CHRDL2: variants seen among roughly 807,000 people sequenced by gnomAD.
CHRDL2 encodes the protein chordin-like protein 2.
A neutral mutation model predicts 54.3 loss-of-function variants in CHRDL2; 41 were observed. The ratio of observed to expected loss-of-function variants is 0.76; its 90% CI spans 0.59 to 0.98. The LOEUF (loss-of-function observed/expected upper bound fraction) is 0.98. CHRDL2 is among the 50% of genes least tolerant of loss of function. The pLI is 0.00. For synonymous variants in CHRDL2, 220 were observed against 224.3 expected, an observed-to-expected ratio of 0.98 and a Z score of 0.17; for missense variants, 518 against 562.4, an observed-to-expected ratio of 0.92 and a Z score of 0.80.
chr11:74,724,050 C>G (rs1244361304), intron 1 of CHRDL2, among the ~76,000 whole-genome samples: 3 of 152,188 alleles, frequency 2.0e-5, no homozygotes, highest in Non-Finnish European at 4.4e-5. Flanking sequence ...TGAAGGAGCT[C>G]ACAGCCTAGT....
At chr11:74,714,482 TC>T (rs771279736) in intron 2 of CHRDL2, among the ~76,000 whole-genome samples, 4 of 152,214 alleles carry the variant, frequency 2.6e-5, no homozygotes, top group Non-Finnish European at 5.9e-5. Context: ...GGACCTGAGT[TC>T]CCTGATAGCA....
At chr11:74,697,538 C>A (rs1421534901) in intron 9 of CHRDL2, 8 of 568,568 alleles carry the variant, frequency 1.4e-5, no homozygotes, top group Non-Finnish European at 2.6e-5. Flanking sequence ...AGAGTCCTAA[C>A]CCCTTTCACT....
At chr11:74,701,914 G>GTT (rs2033825473) in intron 9 of CHRDL2, among the ~76,000 whole-genome samples, 2 of 151,996 alleles carry the variant, frequency 1.3e-5, no homozygotes, top group African/African-American at 4.8e-5. Context: ...GAGGACTTAT[G>GTT]TTTTACAAGA....
At chr11:74,725,237 C>A (rs906547937) in intron 1 of CHRDL2, among the ~76,000 whole-genome samples, 1 of 152,168 alleles carries the variant, frequency 6.6e-6, no homozygotes, top group Non-Finnish European at 1.5e-5. Flanking sequence ...GTGATCCACC[C>A]GCCAGGGCCT....
intron 1 of CHRDL2, among the ~76,000 whole-genome samples, chr11:74,721,992 T>C (rs571838433): frequency 6.0e-4 from 91 of 152,316 alleles, no homozygotes; most frequent in African/African-American, 2.0e-3. Context: ...GGTTCTAAGA[T>C]TCGATCATTC....
chr11:74,703,469 T>C lies in CHRDL2; in HGVS notation c.782A>G (p.His261Arg). ...ACVHGGKTYS[H>R]GEVWHPAFRA... ...GAAGGCCGGGTGCCACACCTCCCCGTGGGAGTACGTCTTCCCGCCATGCAC... is the reference window on the plus strand; with the variant it reads ...GAAGGCCGGGTGCCACACCTCCCCGCGGGAGTACGTCTTCCCGCCATGCAC... Residue 261 changes from histidine (H) to arginine (R), a missense_variant, in exon 8 of 11, where the codon CAC (histidine) becomes CGC (arginine). Physicochemically the swap from His to Arg is conservative, Grantham distance 29. Coordinates refer to ENST00000376332, the MANE Select transcript of CHRDL2 (RefSeq NM_001278473.3). The C allele has an allele frequency of 6.2e-7, 1 of 1,608,866 alleles. No homozygotes were observed. Among genetic ancestry groups the C allele is most frequent in the Non-Finnish European group, 8.5e-7 (1 of 1,177,098 alleles).
In CHRDL2 at chr11:74,704,466, G is replaced by A. The variant is rs34776821; in HGVS notation, c.751+20C>T. The A allele has an allele frequency of 0.014, 21,807 of 1,585,422 alleles. 200 individuals are homozygous for A. Among genetic ancestry groups the A allele is most frequent in the Middle Eastern group, 0.02 (122 of 5,966 alleles). ...CCCCCCTTCCCTGCCTCACAGATTG[G>A]AGGAGGGTCCAGTCCCCACCTTTCT... On this transcript the variant is annotated intron_variant, in intron 7 of 10. Transcript: ENST00000376332.
chr11:74,727,034 A>G (rs1257770152), intron 1 of CHRDL2, among the ~76,000 whole-genome samples: 1 of 152,138 alleles, frequency 6.6e-6, no homozygotes, highest in African/African-American at 2.4e-5. Context: ...ACCCTCCCAC[A>G]TCCCTATTCC....
At chr11:74,712,135 A>G (rs2135258527) in intron 3 of CHRDL2, among the ~76,000 whole-genome samples, 1 of 152,130 alleles carries the variant, frequency 6.6e-6, no homozygotes, top group African/African-American at 2.4e-5. Context: ...ATTTTTAAAA[A>G]AGAAGTTTGA....
intron 1 of CHRDL2, among the ~76,000 whole-genome samples, chr11:74,721,762 C>T (rs949599659): frequency 6.6e-6 from 1 of 152,258 alleles, no homozygotes; most frequent in African/African-American, 2.4e-5. Flanking sequence ...GAGACTCATC[C>T]TCCTTTCTCT....
At chr11:74,728,939 T>C (rs2135281812) in intron 1 of CHRDL2, among the ~76,000 whole-genome samples, 1 of 152,288 alleles carries the variant, frequency 6.6e-6, no homozygotes, top group Non-Finnish European at 1.5e-5. Context: ...GAAGATGGAA[T>C]ACTGGCAGGA....
At chr11:74,721,732 A>G (rs1454898457) in intron 1 of CHRDL2, among the ~76,000 whole-genome samples, 3 of 152,244 alleles carry the variant, frequency 2.0e-5, no homozygotes, top group East Asian at 1.9e-4. Flanking sequence ...TTAAGCCACA[A>G]GTTCACTGTG....
At position 74,697,217 on chromosome 11, in the gene CHRDL2, C is replaced by T; in HGVS notation, c.1201G>A (p.Gly401Ser). The change falls in exon 10 of 11, where the codon GGC (glycine) becomes AGC (serine). Residue 401 changes from glycine to serine, a missense_variant. Physicochemically the swap from Gly to Ser is moderately conservative, Grantham distance 56. Transcript: ENST00000376332. ...CCCAAGCTCCTACCTTCGTGGGGGC[C>T]AGCGAGCAGTCGGAAGTGCTGTGCC... is the stretch of plus-strand genomic sequence containing the variant. ...KEAQHFRLLA[G>S]PHEGHWNVFL... 6.2e-7 allele frequency: 1 copy of T among 1,613,710 alleles called. No individual in the cohort carries two copies. The highest frequency in any genetic ancestry group is 8.5e-7 in the Non-Finnish European group (1 of 1,179,852).
intron 5 of CHRDL2, 39 bp downstream of exon 5, chr11:74,708,263 G>T: frequency 7.1e-7 from 1 of 1,409,336 alleles, no homozygotes; most frequent in Middle Eastern, 2.4e-4. Context: ...ATGGAGTGGA[G>T]GGGTGGGTGA....
chr11:74,701,794 C>T, intron 9 of CHRDL2: 1 of 548,162 alleles, frequency 1.8e-6, no homozygotes, highest in Non-Finnish European at 3.3e-6. Flanking sequence ...ATTCCCTCTT[C>T]CACCCCCACC....
At chr11:74,708,242 T>C (rs1591357069) in intron 5 of CHRDL2, 60 bp downstream of exon 5, 3 of 1,233,426 alleles carry the variant, frequency 2.4e-6, no homozygotes, top group African/African-American at 1.6e-5. Context: ...TCACAGTCCA[T>C]GGCTAGGCCC....
chr11:74,713,332 C>A, intron 3 of CHRDL2, 54 bp downstream of exon 3: 8 of 1,499,440 alleles, frequency 5.3e-6, no homozygotes, highest in Non-Finnish European at 6.5e-6. Context: ...TAGAGGGCTA[C>A]ACTGGGAGTA....
intron 1 of CHRDL2, among the ~76,000 whole-genome samples, chr11:74,721,252 G>T (rs574190246): frequency 9.9e-5 from 15 of 151,744 alleles, no homozygotes; most frequent in African/African-American, 3.6e-4. Flanking sequence ...CACCAGGGAG[G>T]GGGTGATTGC....
chr11:74,702,918 G>A lies in CHRDL2; in HGVS notation c.996C>T (p.Pro332=). The A allele has an allele frequency of 6.2e-7, 1 of 1,614,112 alleles. No individual in the cohort carries two copies. Among genetic ancestry groups the A allele is most frequent in the Non-Finnish European group, 8.5e-7 (1 of 1,180,000 alleles). Reference sequence around the variant, plus strand: ...GGACGAGGACCCGGCCCGGTGCCTTGGGACACCTGGTAGAACTGATCTCAC... The same window carrying A: ...GGACGAGGACCCGGCCCGGTGCCTTAGGACACCTGGTAGAACTGATCTCAC... ...GHSEISSTRC[P]KAPGRVLVHT... The change falls in exon 9 of 11, where the codon CCC becomes CCT. Residue 332 remains proline (P), a synonymous_variant. Coordinates refer to ENST00000376332, the MANE Select transcript of CHRDL2 (RefSeq NM_001278473.3).
Sources: gnomAD v4.1 joint callset for allele counts (sites outside exome capture counted in the v4.1 genomes callset) on GRCh38, gnomAD v4.1.1 for gene constraint, MANE v1.5 for transcripts, NCBI Gene and HGNC (gene_info 2026-07-23, HGNC 2026-07-21) for gene names.